Variants in SYT1 observed in about 807,000 individuals in gnomAD.
The protein encoded by SYT1 is synaptotagmin-1.
A neutral mutation model predicts 44.8 loss-of-function variants in SYT1; 8 were observed. The observed-to-expected ratio is 0.18, with a 90% CI of 0.10 to 0.32. The LOEUF is 0.32. Among genes scored for constraint, SYT1 ranks in the 10% least tolerant of loss-of-function variants. The pLI, the probability that SYT1 is intolerant of heterozygous loss-of-function variation, is 1.00. For synonymous variants in SYT1, 154 were observed against 188.8 expected, an observed-to-expected ratio of 0.82 and a Z score of 1.51; for missense variants, 286 against 509.3, an observed-to-expected ratio of 0.56 and a Z score of 4.22.
intron 1 of SYT1, among the ~76,000 whole-genome samples, chr12:78,942,756 A>G (rs1172603429): frequency 6.6e-6 from 1 of 152,198 alleles, no homozygotes; most frequent in African/African-American, 2.4e-5. Flanking sequence ...GTTGTAAAAT[A>G]TATTGCCTGG....
At chr12:78,925,011 T>C (rs1054224829) in intron 1 of SYT1, among the ~76,000 whole-genome samples, 1 of 151,946 alleles carries the variant, frequency 6.6e-6, no homozygotes, top group Non-Finnish European at 1.5e-5. Flanking sequence ...TATAATTATC[T>C]ATATGAATAA....
chr12:79,098,331 A>C (rs1380362622), intron 3 of SYT1, among the ~76,000 whole-genome samples: 1 of 152,080 alleles, frequency 6.6e-6, no homozygotes, highest in Non-Finnish European at 1.5e-5. Context: ...TTTATTCCAG[A>C]ATTCATCATC....
chr12:79,301,307 C>T (rs1332221689), intron 8 of SYT1, among the ~76,000 whole-genome samples: 2 of 152,090 alleles, frequency 1.3e-5, no homozygotes, highest in East Asian at 3.9e-4. Context: ...TCCAAGATCA[C>T]ACCCAGTGGG....
At chr12:79,294,740 C>A (rs1421635522) in intron 6 of SYT1, among the ~76,000 whole-genome samples, 1 of 152,030 alleles carries the variant, frequency 6.6e-6, no homozygotes, top group Non-Finnish European at 1.5e-5. Context: ...ATACCAAATA[C>A]CTACTTAGCA....
At chr12:79,131,671 G>A (rs1284173472) in intron 3 of SYT1, among the ~76,000 whole-genome samples, 1 of 152,152 alleles carries the variant, frequency 6.6e-6, no homozygotes, top group South Asian at 2.1e-4. Flanking sequence ...GACCATCAAT[G>A]AGTCAACTTA....
rs1425341105 is a variant in SYT1, at chr12:79,299,413, C to A, written c.672C>A (p.Thr224=). 1 of 1,612,952 alleles carries A rather than the reference C, an allele frequency of 6.2e-7. No individual in the cohort carries two copies. Among genetic ancestry groups the A allele is most frequent in the East Asian group, 2.2e-5 (1 of 44,838 alleles). The change falls in exon 8 of 11, where the codon ACC becomes ACA. Residue 224 remains threonine (T), a synonymous_variant. Transcript: ENST00000261205. Reference sequence around the variant, plus strand: ...CATACTCGGAATTGGGTGGCAAAACCCTAGTGATGGCTGTATATGATTTTG... The same window carrying A: ...CATACTCGGAATTGGGTGGCAAAACACTAGTGATGGCTGTATATGATTTTG... ...KVPYSELGGK[T]LVMAVYDFDR... is the part of the protein sequence containing the mutation.
chr12:79,407,842 G>A (rs1264890225), intron 9 of SYT1, among the ~76,000 whole-genome samples: 1 of 152,128 alleles, frequency 6.6e-6, no homozygotes, highest in Non-Finnish European at 1.5e-5. Flanking sequence ...CACAGGAGAA[G>A]GACATTGCTG....
At chr12:78,992,921 G>A (rs1351055806) in intron 2 of SYT1, among the ~76,000 whole-genome samples, 1 of 152,194 alleles carries the variant, frequency 6.6e-6, no homozygotes, top group Non-Finnish European at 1.5e-5. Flanking sequence ...TGTAAGAGCT[G>A]TGTTTAGGTA....
intron 3 of SYT1, among the ~76,000 whole-genome samples, chr12:79,153,244 T>G (rs576934904): frequency 3.3e-5 from 5 of 152,272 alleles, no homozygotes; most frequent in Non-Finnish European, 7.4e-5. Context: ...AAACCTTAAA[T>G]TTAATAGTAC....
intron 1 of SYT1, among the ~76,000 whole-genome samples, chr12:78,930,125 T>A (rs1256572360): frequency 6.6e-6 from 1 of 152,156 alleles, no homozygotes; most frequent in East Asian, 1.9e-4. Context: ...CAGATAATAA[T>A]AATGTACTAT....
intron 3 of SYT1, among the ~76,000 whole-genome samples, chr12:79,108,033 T>C (rs1010521998): frequency 2.0e-5 from 3 of 151,830 alleles, no homozygotes; most frequent in Non-Finnish European, 4.4e-5. Flanking sequence ...GAACTTAACA[T>C]AATCATAAAG....
At position 79,257,279 on chromosome 12, in the gene SYT1, G is replaced by A. The variant is rs139426792; in HGVS notation, c.167-28508G>A. Among the ~76,000 whole-genome samples, 672 of 152,240 alleles carry A rather than the reference G, an allele frequency of 4.4e-3. 1 individual carries two copies. The highest frequency in any genetic ancestry group is 0.015 in the African/African-American group (639 of 41,540). On this transcript the variant is annotated intron_variant, in intron 4 of 10. Coordinates refer to ENST00000261205, the MANE Select transcript of SYT1 (RefSeq NM_005639.3). ...CCATAAATCAGCATGTTTGATCACTGGAAGCTTCATTTTGATGATTAGCAG... is the reference window on the plus strand; with the variant it reads ...CCATAAATCAGCATGTTTGATCACTAGAAGCTTCATTTTGATGATTAGCAG...
chr12:79,005,720 A>T (rs1486427821), intron 2 of SYT1, among the ~76,000 whole-genome samples: 1 of 152,162 alleles, frequency 6.6e-6, no homozygotes, highest in Non-Finnish European at 1.5e-5. Context: ...AGCATTGGCC[A>T]TGCAGTTTAC....
At chr12:79,300,362 G>A (rs936440494) in intron 8 of SYT1, among the ~76,000 whole-genome samples, 18 of 152,016 alleles carry the variant, frequency 1.2e-4, no homozygotes, top group Admixed American at 3.9e-4. Flanking sequence ...AGTTCCTGAC[G>A]TAAGGCTGTA....
At chr12:79,250,728 G>C (rs1248382736) in intron 4 of SYT1, among the ~76,000 whole-genome samples, 1 of 151,824 alleles carries the variant, frequency 6.6e-6, no homozygotes, top group African/African-American at 2.4e-5. Flanking sequence ...CAACTTGTGT[G>C]TTAAGGGGAA....
chr12:79,279,108 G>GTCAT (rs1565887911), intron 4 of SYT1, among the ~76,000 whole-genome samples: 1 of 150,928 alleles, frequency 6.6e-6, no homozygotes, highest in East Asian at 1.9e-4. Context: ...CAATCCTACC[G>GTCAT]AAACTACTCC....
chr12:79,210,016 A>G (rs907375042), intron 3 of SYT1, among the ~76,000 whole-genome samples: 4 of 152,214 alleles, frequency 2.6e-5, no homozygotes, highest in Admixed American at 6.5e-5. Flanking sequence ...CAATACTTAA[A>G]TAGAGATGGA....
At chr12:79,154,236 C>G (rs1333141517) in intron 3 of SYT1, among the ~76,000 whole-genome samples, 1 of 152,012 alleles carries the variant, frequency 6.6e-6, no homozygotes, top group East Asian at 1.9e-4. Context: ...ATTTCAGAAG[C>G]TCTAAAATTT....
intron 4 of SYT1, among the ~76,000 whole-genome samples, chr12:79,239,405 G>A (rs187768014): frequency 6.6e-6 from 1 of 152,272 alleles, no homozygotes; most frequent in East Asian, 1.9e-4. Context: ...AATGTAATGT[G>A]GTGTCCTGGA....
Sources: allele counts gnomAD v4.1 joint callset (sites outside exome capture counted in the v4.1 genomes callset), GRCh38; gene constraint gnomAD v4.1.1; transcripts MANE v1.5; gene names NCBI Gene and HGNC (gene_info 2026-07-23, HGNC 2026-07-21).